Variants in EFR3B observed in about 807,000 individuals in gnomAD.
EFR3B encodes the protein protein EFR3 homolog B.
Under a neutral mutation model 104.7 loss-of-function variants are expected in EFR3B, and 64 were observed. That is an observed-to-expected ratio of 0.61 (90% CI 0.50 to 0.75). The LOEUF (loss-of-function observed/expected upper bound fraction) is 0.75, where lower values mean the gene tolerates loss of function less well. Among genes scored for constraint, EFR3B ranks in the 30% least tolerant of loss-of-function variants. The pLI, the probability that EFR3B is intolerant of heterozygous loss-of-function variation, is 0.00. For synonymous variants in EFR3B, 385 were observed against 417.9 expected (o/e 0.92, Z 0.96); for missense variants, 750 against 1,078.5 (o/e 0.70, Z 4.27).
At chr2:25,124,800 T>C (rs1338421243) in intron 5 of EFR3B, among the ~76,000 whole-genome samples, 1 of 139,676 alleles carries the variant, frequency 7.2e-6, no homozygotes, top group Admixed American at 7.3e-5. Flanking sequence ...CTAAAGCCTA[T>C]ATGGCCAGCA....
intron 5 of EFR3B, among the ~76,000 whole-genome samples, chr2:25,122,899 C>CA (rs1670055056): frequency 6.6e-6 from 1 of 152,192 alleles, no homozygotes; most frequent in African/African-American, 2.4e-5. Context: ...GCCTGGAGAG[C>CA]AGTGGCACTT....
chr2:25,113,667 CAAAAA>C (rs199750318), intron 4 of EFR3B, among the ~76,000 whole-genome samples: 34,356 of 100,346 alleles, frequency 0.34, 5,176 homozygotes, highest in East Asian at 0.56. Context: ...GACTCTGTCT[CAAAAA>C]AAAAAAAAAA....
intron 1 of EFR3B, among the ~76,000 whole-genome samples, chr2:25,065,873 A>G (rs1280282686): frequency 5.3e-5 from 8 of 151,828 alleles, no homozygotes; most frequent in Non-Finnish European, 1.2e-4. Context: ...GCTCTTCCTG[A>G]CACCCTCTGC....
chr2:25,081,091 C>T (rs904810560), intron 1 of EFR3B: 8 of 703,388 alleles, frequency 1.1e-5, no homozygotes, highest in Non-Finnish European at 2.1e-5. Flanking sequence ...CTCTCCATCC[C>T]TATTGCAAAG....
intron 1 of EFR3B, among the ~76,000 whole-genome samples, chr2:25,088,106 G>C (rs1437176240): frequency 6.6e-6 from 1 of 152,112 alleles, no homozygotes; most frequent in Non-Finnish European, 1.5e-5. Context: ...AGTCCCTTAA[G>C]CTTCACCTCC....
rs182101512 is a variant in EFR3B, at chr2:25,137,771, A to G, written c.1722+269A>G. Among the ~76,000 whole-genome samples the G allele has an allele frequency of 3.5e-4, 54 of 152,302 alleles. No individual in the cohort carries two copies. Among genetic ancestry groups the G allele is most frequent in the African/African-American group, 1.1e-3 (45 of 41,570 alleles). On this transcript the variant is annotated intron_variant, in intron 15 of 22. Coordinates refer to ENST00000403714, the MANE Select transcript of EFR3B (RefSeq NM_014971.2). The surrounding 1 kb of genome is among the most constrained non-coding windows in gnomAD (Gnocchi z 4.7). ...GGTCGTTCAGAAACATCCCTTAGCT[A>G]CTACATGTCAAGTCTCTCGCAGAGT...
chr2:25,103,623 G>T lies in EFR3B; in HGVS notation c.213-14G>T, dbSNP rs1008841126. ...AGGGGCGCGGCCAGTGACGGCATGT[G>T]CTGCCCTCCCCAGGTACGTGTGCAT... On this transcript the variant is annotated splice_polypyrimidine_tract_variant and intron_variant, in intron 3 of 22. Coordinates refer to ENST00000403714, the MANE Select transcript of EFR3B (RefSeq NM_014971.2). 1 of 1,546,438 alleles carries T rather than the reference G, an allele frequency of 6.5e-7. No individual in the cohort carries two copies. The highest frequency in any genetic ancestry group is 8.7e-7 in the Non-Finnish European group (1 of 1,142,884).
chr2:25,098,642 T>C (rs1573201682), intron 3 of EFR3B, among the ~76,000 whole-genome samples: 1 of 152,182 alleles, frequency 6.6e-6, no homozygotes. Context: ...TGTAAGATGC[T>C]TTGAAAAGCT....
intron 19 of EFR3B, chr2:25,147,371 T>C (rs1240856039): frequency 3.3e-5 from 5 of 152,384 alleles, no homozygotes; most frequent in East Asian, 3.9e-4. Context: ...GTAATTCCTA[T>C]GCTAGCAAAT....
rs997511053 is a variant in EFR3B, at chr2:25,091,524, C to A, written c.84+123C>A. ...GGCAGGGCCTCTCAGGGTCCCTGGG[C>A]ACTGAGCCTTCCCAGAGAAACTGGA... On this transcript the variant is annotated intron_variant, in intron 2 of 22. Coordinates refer to ENST00000403714, the MANE Select transcript of EFR3B (RefSeq NM_014971.2). 9.6e-6 allele frequency: 8 copies of A among 835,364 alleles called. No individual in the cohort carries two copies. In the South Asian group the frequency reaches 1.5e-4, roughly 16 times the overall value. 51.7% of individuals were successfully genotyped at this position (835,364 alleles called of 1,614,324 possible).
Position 25,133,426 on chromosome 2 carries a change from C to T in EFR3B, c.1303C>T (p.Leu435Phe). The T allele has an allele frequency of 6.4e-7, 1 of 1,552,404 alleles. No individual in the cohort carries two copies. Among genetic ancestry groups the T allele is most frequent in the Non-Finnish European group, 8.7e-7 (1 of 1,147,152 alleles). ...GACCCAGATTATGCTGCTAAAATCC[C>T]TCCTGCAGGTGAGCCCCATCTATCC... ...RLTQIMLLKS[L>F]LQVSTGFQCN... Residue 435 changes from leucine to phenylalanine, a missense_variant, in exon 12 of 23, where the codon CTC becomes TTC. Physicochemically the swap from Leu to Phe is conservative, Grantham distance 22 (BLOSUM62 0). Coordinates refer to ENST00000403714, the MANE Select transcript of EFR3B (RefSeq NM_014971.2).
At chr2:25,151,109 CCT>C (rs1171919678) in intron 20 of EFR3B, among the ~76,000 whole-genome samples, 1 of 152,070 alleles carries the variant, frequency 6.6e-6, no homozygotes, top group African/African-American at 2.4e-5. Flanking sequence ...GACACACACC[CCT>C]TTTTCTTCTT....
rs1205791698 is a variant in EFR3B at position 25,154,322 on chromosome 2, C to T, written c.2436C>T (p.Pro812=). 6 of 1,552,024 alleles carry T rather than the reference C, an allele frequency of 3.9e-6. No homozygotes were observed. The highest frequency in any genetic ancestry group is 2.7e-5 in the African/African-American group (2 of 73,036). Reference sequence around the variant, plus strand: ...TCCCCGTCTATGAAATGAAGTTTCCCGATCTGTGTGTATACTGAATTCCAA... The same window carrying T: ...TCCCCGTCTATGAAATGAAGTTTCCTGATCTGTGTGTATACTGAATTCCAA... ...HSIPVYEMKF[P]DLCVY Residue 812 remains proline, a synonymous_variant, in exon 23 of 23, where the codon CCC becomes CCT. Transcript: ENST00000403714. This position sits in a 1 kb window ranked among gnomAD's most constrained non-coding sequence, Gnocchi z 4.1.
At chr2:25,147,960 G>C (rs1670865308) in intron 19 of EFR3B, 1 of 148,968 alleles carries the variant, frequency 6.7e-6, no homozygotes, top group South Asian at 2.1e-4. Context: ...AGGAGGTGGA[G>C]GTTGTAGTGA....
At chr2:25,059,469 C>T (rs1337845921) in intron 1 of EFR3B, among the ~76,000 whole-genome samples, 1 of 150,838 alleles carries the variant, frequency 6.6e-6, no homozygotes, top group Non-Finnish European at 1.5e-5. Flanking sequence ...TGGAAATAAG[C>T]CAGTCACACA....
chr2:25,128,130 G>T, intron 5 of EFR3B, 53 bp from the exon 6 acceptor site: 1 of 1,546,496 alleles, frequency 6.5e-7, no homozygotes, highest in Non-Finnish European at 8.7e-7. Flanking sequence ...ACCGAAGCTG[G>T]ACTTCTCAGG....
chr2:25,132,388 C>T (rs10189702), intron 10 of EFR3B, among the ~76,000 whole-genome samples: 1 of 152,046 alleles, frequency 6.6e-6, no homozygotes, highest in Non-Finnish European at 1.5e-5. Flanking sequence ...GGGCCAGCCG[C>T]GGAGAAAATG....
chr2:25,129,360 GTGGGGC>G (rs1670264460), intron 6 of EFR3B, among the ~76,000 whole-genome samples: 3 of 135,804 alleles, frequency 2.2e-5, no homozygotes, highest in Admixed American at 7.1e-5. Context: ...GGGGCGTGGG[GTGGGGC>G]GTGGGGTGGG....
intron 1 of EFR3B, among the ~76,000 whole-genome samples, chr2:25,064,404 G>T (rs1449584310): frequency 6.6e-6 from 1 of 152,198 alleles, no homozygotes; most frequent in Non-Finnish European, 1.5e-5. Context: ...ATTTGATACT[G>T]TGTGTTCATT....
Sources: gnomAD v4.1 joint callset for allele counts (sites outside exome capture counted in the v4.1 genomes callset) on GRCh38, gnomAD v4.1.1 for gene constraint, Gnocchi (gnomAD v3.1) non-coding constraint, MANE v1.5 for transcripts, NCBI Gene and HGNC (gene_info 2026-07-23, HGNC 2026-07-21) for gene names.